Variants in FILIP1L observed in about 807,000 individuals in gnomAD.
FILIP1L encodes the protein filamin A-interacting protein 1-like.
In FILIP1L, 55 loss-of-function variants were observed where a neutral mutation model predicts 96.6. The observed-to-expected ratio is 0.57, with a 90% CI of 0.46 to 0.71. FILIP1L has a LOEUF of 0.71. Ranked by LOEUF, FILIP1L falls within the 30% of genes least tolerant of loss-of-function variation. The pLI is 0.00. For missense variants in FILIP1L, 1,304 were observed against 1,321.2 expected, an observed-to-expected ratio of 0.99 and a Z score of 0.20; for synonymous variants, 467 against 473.9, an observed-to-expected ratio of 0.99 and a Z score of 0.19.
At chr3:100,027,964 T>C (rs911647837) in intron 1 of FILIP1L, among the ~76,000 whole-genome samples, 2 of 152,160 alleles carry the variant, frequency 1.3e-5, no homozygotes, top group African/African-American at 2.4e-5. Context: ...GGAGTTTGAA[T>C]GCTGTTGTTA....
rs55727823 is a variant in FILIP1L at position 99,872,269 on chromosome 3, C to CTGTGTGTGTGTGTGTGTG, written c.606-21217_606-21200dup. ...ATTCTGTGGATATTCTGTGCCAGGA[C>CTGTGTGTGTGTGTGTGTG]TGTGTGTGTGTGTGTGTGTGTGTGT... is the stretch of plus-strand genomic sequence containing the variant. On this transcript the variant is annotated intron_variant, in intron 4 of 5. Transcript: ENST00000477258. Among the ~76,000 whole-genome samples the CTGTGTGTGTGTGTGTGTG allele has an allele frequency of 1.0e-3, 114 of 110,814 alleles. 2 individuals are homozygous for CTGTGTGTGTGTGTGTGTG. Among genetic ancestry groups the CTGTGTGTGTGTGTGTGTG allele is most frequent in the East Asian group, 2.2e-3 (7 of 3,138 alleles). 72.7% of individuals were successfully genotyped at this position (110,814 alleles called of 152,430 possible). A position where few individuals can be genotyped will look rare whatever the true frequency, so the allele number is the denominator to read the frequency against.
chr3:99,832,466 A>G (rs1254582027), intron 5 of FILIP1L, among the ~76,000 whole-genome samples: 3 of 145,024 alleles, frequency 2.1e-5, no homozygotes, highest in Admixed American at 6.8e-5. Context: ...TCCTGACCTC[A>G]TGATCCGCCC....
At chr3:99,912,206 C>G (rs1295239511) in intron 4 of FILIP1L, among the ~76,000 whole-genome samples, 1 of 152,110 alleles carries the variant, frequency 6.6e-6, no homozygotes, top group African/African-American at 2.4e-5. Context: ...CATGTCTGAA[C>G]CCTGAAAACA....
intron 4 of FILIP1L, among the ~76,000 whole-genome samples, chr3:99,901,906 A>G (rs1421748443): frequency 6.6e-6 from 1 of 152,140 alleles, no homozygotes; most frequent in Non-Finnish European, 1.5e-5. Flanking sequence ...AGAGCTCAGC[A>G]TAATGTTTTT....
At chr3:99,844,963 C>T (rs147807085) in intron 5 of FILIP1L, among the ~76,000 whole-genome samples, 73 of 152,242 alleles carry the variant, frequency 4.8e-4, no homozygotes, top group African/African-American at 1.6e-3. Context: ...GTCAATAAAA[C>T]CTTTCTTCTT....
intron 1 of FILIP1L, among the ~76,000 whole-genome samples, chr3:99,947,716 T>G (rs186499055): frequency 6.6e-6 from 1 of 152,230 alleles, no homozygotes; most frequent in Non-Finnish European, 1.5e-5. Flanking sequence ...ATAAAATTGT[T>G]TTGAATACTT....
chr3:100,094,675 T>A (rs1305381480), intron 1 of FILIP1L, among the ~76,000 whole-genome samples: 41 of 15,622 alleles, frequency 2.6e-3, no homozygotes, highest in Non-Finnish European at 4.4e-3. Flanking sequence ...AAAAGCTGCC[T>A]TTTTTTTTTT....
At chr3:99,961,191 T>C (rs1336162819) in intron 1 of FILIP1L, among the ~76,000 whole-genome samples, 1 of 152,186 alleles carries the variant, frequency 6.6e-6, no homozygotes, top group Non-Finnish European at 1.5e-5. Context: ...TCTTCCAGGA[T>C]GAGGGAGGTG....
At chr3:99,955,669 T>C (rs982445210) in intron 1 of FILIP1L, among the ~76,000 whole-genome samples, 10 of 152,096 alleles carry the variant, frequency 6.6e-5, no homozygotes, top group African/African-American at 2.4e-4. Context: ...TTGATGATAA[T>C]GAAATAACTT....
intron 5 of FILIP1L, among the ~76,000 whole-genome samples, chr3:99,846,225 C>G (rs1943360122): frequency 6.6e-6 from 1 of 152,184 alleles, no homozygotes. Context: ...CTGGTTATCT[C>G]TGCCTCTTTA....
chr3:99,930,952 G>A lies in FILIP1L; in HGVS notation c.69C>T (p.His23=), dbSNP rs1221887509. The A allele has an allele frequency of 6.2e-7, 1 of 1,613,478 alleles. No homozygotes were observed. Among genetic ancestry groups the A allele is most frequent in the Non-Finnish European group, 8.5e-7 (1 of 1,179,796 alleles). Residue 23 remains histidine (H), a synonymous_variant, in exon 2 of 6, where the codon CAC becomes CAT. Coordinates refer to ENST00000477258, the MANE Select transcript of FILIP1L (RefSeq NM_001387850.1). ...QKKFPRHTKG[H]SFQGPKNMKH... ...TCATGTTTTTAGGCCCTTGGAAACT[G>A]TGGCCTTTAGTATGTCTTGGAAATT...
At chr3:99,968,165 G>A (rs1230528443) in intron 1 of FILIP1L, among the ~76,000 whole-genome samples, 2 of 152,192 alleles carry the variant, frequency 1.3e-5, no homozygotes, top group East Asian at 1.9e-4. Context: ...TGGAGGATGA[G>A]ACTTCTCCTA....
chr3:100,081,410 C>T (rs1490720776), intron 1 of FILIP1L, among the ~76,000 whole-genome samples: 1 of 152,224 alleles, frequency 6.6e-6, no homozygotes, highest in Non-Finnish European at 1.5e-5. Flanking sequence ...CTGTCATACT[C>T]TTAAGCAAAT....
rs1576511037 is a variant in FILIP1L, at chr3:99,850,419, T to C, written c.1257A>G (p.Lys419=). 6.2e-7 allele frequency: 1 copy of C among 1,613,986 alleles called. No individual in the cohort carries two copies. The highest frequency in any genetic ancestry group is 8.5e-7 in the Non-Finnish European group (1 of 1,179,982). The change falls in exon 5 of 6, where the codon AAA becomes AAG. Residue 419 remains lysine, a synonymous_variant. Coordinates refer to ENST00000477258, the MANE Select transcript of FILIP1L (RefSeq NM_001387850.1). ...CCAGAGCCATAATTCTTTTACTGAG[T>C]TTTTCAACCTCTAGTTTAAAGTCTT... ...QSKDFKLEVE[K]LSKRIMALEK...
chr3:99,958,460 C>T (rs1286520517), intron 1 of FILIP1L, among the ~76,000 whole-genome samples: 2 of 152,008 alleles, frequency 1.3e-5, no homozygotes, highest in Middle Eastern at 3.2e-3. Context: ...ACATAGCACT[C>T]AGGCCCACCT....
In FILIP1L at chr3:99,890,877, A is replaced by G. The variant is rs114855445; in HGVS notation, c.605+33353T>C. Among the ~76,000 whole-genome samples the G allele has an allele frequency of 4.5e-3, 688 of 152,192 alleles. 7 individuals carry two copies. The highest frequency in any genetic ancestry group is 0.016 in the African/African-American group (673 of 41,532). ...TCTGTATGCTTTCAGATTTTTTTAT[A>G]TGAAGTCACGTATCTCAGAATTTTA... On this transcript the variant is annotated intron_variant, in intron 4 of 5. Coordinates refer to ENST00000477258, the MANE Select transcript of FILIP1L (RefSeq NM_001387850.1).
intron 1 of FILIP1L, among the ~76,000 whole-genome samples, chr3:100,103,392 C>T (rs1049643305): frequency 3.3e-5 from 5 of 152,216 alleles, no homozygotes; most frequent in African/African-American, 1.2e-4. Context: ...GGCTGCCACA[C>T]AAGTACTGGC....
intron 1 of FILIP1L, among the ~76,000 whole-genome samples, chr3:100,076,129 T>C (rs1359299037): frequency 6.6e-6 from 1 of 152,236 alleles, no homozygotes. Flanking sequence ...TTAAGAAATA[T>C]ATTTGTTAGT....
At chr3:99,982,970 C>T (rs775134109) in intron 1 of FILIP1L, among the ~76,000 whole-genome samples, 27 of 152,004 alleles carry the variant, frequency 1.8e-4, no homozygotes, top group Admixed American at 1.6e-3. Context: ...ATGTGTAGGG[C>T]GAATGTCTTT....
Sources: gnomAD v4.1 joint callset for allele counts (sites outside exome capture counted in the v4.1 genomes callset) on GRCh38, gnomAD v4.1.1 for gene constraint, MANE v1.5 for transcripts, NCBI Gene and HGNC (gene_info 2026-07-23, HGNC 2026-07-21) for gene names.